EPHB1: variants seen among roughly 807,000 people sequenced by gnomAD.
EPHB1 encodes the protein EPH receptor B1.
A neutral mutation model predicts 94.4 loss-of-function variants in EPHB1; 30 were observed. The ratio of observed to expected loss-of-function variants is 0.32; its 90% CI spans 0.24 to 0.43. EPHB1 has a LOEUF of 0.43. EPHB1 is among the 20% of genes least tolerant of loss of function. The pLI, the probability that EPHB1 is intolerant of heterozygous loss-of-function variation, is 1.00. For missense variants in EPHB1, 1,055 were observed against 1,308.3 expected (o/e 0.81, Z 2.99); for synonymous variants, 522 against 489.1 (o/e 1.07, Z -0.89).
intron 5 of EPHB1, among the ~76,000 whole-genome samples, chr3:135,133,671 A>T (rs1369307973): frequency 2.5e-5 from 3 of 120,768 alleles, no homozygotes; most frequent in Non-Finnish European, 5.7e-5. Context: ...TTGAGACCTC[A>T]GATAGATGGC....
Position 134,874,810 on chromosome 3 carries a change from T to C in EPHB1, c.59-51006T>C, listed in dbSNP as rs574846116. Reference sequence around the variant, plus strand: ...GGAGGAGCATTCCCAATGTGTGGGCTGTGTTCATGATTGTAGTTACCCGAT... The same window carrying C: ...GGAGGAGCATTCCCAATGTGTGGGCCGTGTTCATGATTGTAGTTACCCGAT... On this transcript the variant is annotated intron_variant, in intron 1 of 15. Transcript: ENST00000398015. Among the ~76,000 whole-genome samples, 15 of 152,336 alleles carry C rather than the reference T, an allele frequency of 9.8e-5. No homozygotes were observed. The South Asian group carries it at 1.0e-3, about 11-fold the overall frequency.
chr3:135,156,430 A>C (rs1014522518), intron 6 of EPHB1, among the ~76,000 whole-genome samples: 5 of 152,334 alleles, frequency 3.3e-5, no homozygotes, highest in African/African-American at 1.2e-4. Flanking sequence ...CTGCACTGGC[A>C]GCAGAAGCCC....
chr3:135,126,617 G>T (rs1052533189), intron 4 of EPHB1, among the ~76,000 whole-genome samples: 1 of 152,188 alleles, frequency 6.6e-6, no homozygotes, highest in Non-Finnish European at 1.5e-5. Flanking sequence ...GCTTGCTGGG[G>T]CTAGGTGGCC....
chr3:135,111,052 T>G (rs1939422511), intron 4 of EPHB1, among the ~76,000 whole-genome samples: 1 of 152,210 alleles, frequency 6.6e-6, no homozygotes, highest in Non-Finnish European at 1.5e-5. Context: ...TGACGTCCTC[T>G]GCAGGTGGCC....
At position 135,186,870 on chromosome 3, in the gene EPHB1, A is replaced by C. The variant is rs140627093; in HGVS notation, c.1883-5706A>C. ...GGATGAAATGCATAGGAATTGGTTAAATTACCCTCAGCTGACAGCCTTGAG... is the reference window on the plus strand; with the variant it reads ...GGATGAAATGCATAGGAATTGGTTACATTACCCTCAGCTGACAGCCTTGAG... On this transcript the variant is annotated intron_variant, in intron 10 of 15. Transcript: ENST00000398015. Among the ~76,000 whole-genome samples, 190 of 152,276 alleles carry C rather than the reference A, an allele frequency of 1.2e-3. 1 individual carries two copies. The highest frequency in any genetic ancestry group is 4.4e-3 in the African/African-American group (181 of 41,552).
chr3:135,051,306 A>G (rs1937161844), intron 3 of EPHB1, among the ~76,000 whole-genome samples: 1 of 152,196 alleles, frequency 6.6e-6, no homozygotes, highest in Non-Finnish European at 1.5e-5. Flanking sequence ...TGGCAGGGTC[A>G]TTTCATTCTA....
intron 9 of EPHB1, among the ~76,000 whole-genome samples, chr3:135,172,701 C>T (rs1419891036): frequency 2.0e-5 from 3 of 152,190 alleles, no homozygotes; most frequent in Non-Finnish European, 4.4e-5. Flanking sequence ...GTAACCAGAG[C>T]ATTAGTCAAT....
chr3:134,801,518 T>G (rs1171388314), intron 1 of EPHB1, among the ~76,000 whole-genome samples: 1 of 152,152 alleles, frequency 6.6e-6, no homozygotes, highest in Non-Finnish European at 1.5e-5. Context: ...GAAGAGCTCT[T>G]TTTATGTTTC....
At chr3:135,149,889 A>G (rs927495171) in intron 5 of EPHB1, among the ~76,000 whole-genome samples, 11 of 152,124 alleles carry the variant, frequency 7.2e-5, no homozygotes, top group Non-Finnish European at 1.2e-4. Context: ...AGTCCATACC[A>G]TGTGTAGTGA....
rs1933548549 is a variant in EPHB1 at position 135,259,278 on chromosome 3, A to G, written c.*158A>G. 2 of 548,452 alleles carry G rather than the reference A, an allele frequency of 3.6e-6. No homozygotes were observed. Among genetic ancestry groups the G allele is most frequent in the Non-Finnish European group, 3.2e-6 (1 of 312,620 alleles). The allele number at this position is 548,452 out of a possible 1,614,324, so 34.0% of individuals were successfully genotyped here. A position where few individuals can be genotyped will look rare whatever the true frequency, so the allele number is the denominator to read the frequency against. On this transcript the variant is annotated 3_prime_UTR_variant, in exon 16 of 16. Transcript: ENST00000398015. Reference sequence around the variant, plus strand: ...CAACCGGACCTGTTGCTAGCAGGCAATCTCCATTTCTCAGTGACAGAAGCA... The same window carrying G: ...CAACCGGACCTGTTGCTAGCAGGCAGTCTCCATTTCTCAGTGACAGAAGCA...
chr3:135,015,397 C>T (rs531289449), intron 3 of EPHB1, among the ~76,000 whole-genome samples: 14 of 152,292 alleles, frequency 9.2e-5, no homozygotes, highest in East Asian at 1.9e-4. Flanking sequence ...CATGCCACCA[C>T]ACCCAGCTAA....
chr3:135,204,938 C>A (rs183921199), intron 12 of EPHB1, among the ~76,000 whole-genome samples: 211 of 142,568 alleles, frequency 1.5e-3, no homozygotes, highest in African/African-American at 5.2e-3. Flanking sequence ...ACCACCACCC[C>A]CTACCACCAC....
chr3:134,871,263 T>C (rs2037493680), intron 1 of EPHB1, among the ~76,000 whole-genome samples: 1 of 152,238 alleles, frequency 6.6e-6, no homozygotes, highest in Non-Finnish European at 1.5e-5. Flanking sequence ...ACATTGCTGC[T>C]TTCTTGCTTT....
intron 1 of EPHB1, among the ~76,000 whole-genome samples, chr3:134,847,582 C>T (rs767523219): frequency 1.1e-4 from 17 of 152,240 alleles, no homozygotes; most frequent in Non-Finnish European, 1.6e-4. Context: ...TGTTTGAAGA[C>T]CACAGTAAGG....
intron 1 of EPHB1, among the ~76,000 whole-genome samples, chr3:134,870,157 T>C (rs1253732808): frequency 6.6e-6 from 1 of 152,146 alleles, no homozygotes; most frequent in Non-Finnish European, 1.5e-5. Flanking sequence ...GCTGGGTCTA[T>C]ATGGGAGAGA....
intron 9 of EPHB1, among the ~76,000 whole-genome samples, chr3:135,178,395 G>T (rs1448479363): frequency 1.4e-5 from 2 of 146,598 alleles, no homozygotes; most frequent in Admixed American, 6.8e-5. Context: ...GGTGAAGGTT[G>T]CAGTGAGCCG....
chr3:135,033,743 G>A (rs1021354226), intron 3 of EPHB1, among the ~76,000 whole-genome samples: 2 of 152,212 alleles, frequency 1.3e-5, no homozygotes, highest in African/African-American at 2.4e-5. Context: ...TACATTGTTT[G>A]CAAATAGGTT....
intron 1 of EPHB1, among the ~76,000 whole-genome samples, chr3:134,883,044 G>A (rs548494033): frequency 1.4e-4 from 22 of 152,090 alleles, no homozygotes; most frequent in African/African-American, 4.3e-4. Context: ...GGATGGTCTC[G>A]ATCTCCTGAC....
chr3:135,122,139 G>A (rs912050441), intron 4 of EPHB1, among the ~76,000 whole-genome samples: 2 of 152,100 alleles, frequency 1.3e-5, no homozygotes, highest in Admixed American at 6.5e-5. Context: ...GGTAGACATC[G>A]GTGAACTTTT....
Sources: allele counts gnomAD v4.1 joint callset (sites outside exome capture counted in the v4.1 genomes callset), GRCh38; gene constraint gnomAD v4.1.1; transcripts MANE v1.5; gene names NCBI Gene and HGNC (gene_info 2026-07-23, HGNC 2026-07-21).